PRTFDC1: variants seen among roughly 807,000 people sequenced by gnomAD.
PRTFDC1 encodes phosphoribosyltransferase domain-containing protein 1.
PRTFDC1 carries 38 observed loss-of-function variants against 34.6 expected under a neutral mutation model. The observed-to-expected ratio is 1.10, with a 90% CI of 0.85 to 1.44. The LOEUF is 1.44. Ranked by LOEUF, PRTFDC1 falls within the 40% of genes most tolerant of loss-of-function variation. The pLI is 0.00. For missense variants in PRTFDC1, 270 were observed against 283.0 expected, an observed-to-expected ratio of 0.95 and a Z score of 0.33; for synonymous variants, 93 against 98.1, an observed-to-expected ratio of 0.95 and a Z score of 0.31.
chr10:24,872,757 C>T (rs1184123256), intron 3 of PRTFDC1, among the ~76,000 whole-genome samples: 2 of 131,810 alleles, frequency 1.5e-5, no homozygotes, highest in Admixed American at 1.6e-4. Flanking sequence ...TATGTGCACA[C>T]GTGTGTGTGT....
chr10:24,940,822 A>T (rs973339390), intron 2 of PRTFDC1, among the ~76,000 whole-genome samples: 12 of 152,256 alleles, frequency 7.9e-5, no homozygotes, highest in African/African-American at 2.9e-4. Flanking sequence ...TAGCTATTGT[A>T]CGATTTTCTT....
At chr10:24,904,077 T>C (rs995722280) in intron 3 of PRTFDC1, among the ~76,000 whole-genome samples, 2 of 152,154 alleles carry the variant, frequency 1.3e-5, no homozygotes, top group Admixed American at 6.5e-5. Context: ...CTATTCTTTC[T>C]AAACTGTAAA....
intron 3 of PRTFDC1, among the ~76,000 whole-genome samples, chr10:24,880,990 C>T: frequency 6.8e-6 from 1 of 146,012 alleles, no homozygotes; most frequent in African/African-American, 2.6e-5. Context: ...CCCTTCCTCC[C>T]TCCCTCCTTC....
At chr10:24,858,181 T>C (rs563524211) in intron 5 of PRTFDC1, among the ~76,000 whole-genome samples, 13 of 152,172 alleles carry the variant, frequency 8.5e-5, no homozygotes, top group Non-Finnish European at 1.6e-4. Context: ...ACAAAAAGGA[T>C]AAAGTCGCCC....
intron 3 of PRTFDC1, among the ~76,000 whole-genome samples, chr10:24,875,100 T>A (rs1421177319): frequency 6.6e-6 from 1 of 152,176 alleles, no homozygotes; most frequent in Admixed American, 6.5e-5. Context: ...CTCTATAAAT[T>A]ACCCAGTCTC....
At chr10:24,888,715 T>C (rs371852175) in intron 3 of PRTFDC1, among the ~76,000 whole-genome samples, 4 of 152,344 alleles carry the variant, frequency 2.6e-5, no homozygotes, top group South Asian at 2.1e-4. Context: ...CAAAGTCAGA[T>C]AGGGCTTAGA....
At chr10:24,878,463 T>A (rs1848008125) in intron 3 of PRTFDC1, among the ~76,000 whole-genome samples, 1 of 152,110 alleles carries the variant, frequency 6.6e-6, no homozygotes, top group African/African-American at 2.4e-5. Context: ...TCTGGCTGCA[T>A]CAGTGAAGTC....
At chr10:24,934,183 T>C (rs995522861) in intron 3 of PRTFDC1, among the ~76,000 whole-genome samples, 6 of 151,124 alleles carry the variant, frequency 4.0e-5, no homozygotes, top group Admixed American at 6.6e-5. Flanking sequence ...CAAACTGCAC[T>C]CTATCTATAT....
At chr10:24,917,847 G>C (rs1041010262) in intron 3 of PRTFDC1, among the ~76,000 whole-genome samples, 3 of 152,178 alleles carry the variant, frequency 2.0e-5, no homozygotes, top group African/African-American at 7.2e-5. Context: ...CCTCATTGGT[G>C]GGGGCTACGA....
chr10:24,852,529 C>G (rs1271200602), intron 7 of PRTFDC1, among the ~76,000 whole-genome samples: 1 of 152,168 alleles, frequency 6.6e-6, no homozygotes, highest in Non-Finnish European at 1.5e-5. Flanking sequence ...TCCACAGGCT[C>G]AGGAGATCCT....
intron 3 of PRTFDC1, among the ~76,000 whole-genome samples, chr10:24,909,645 A>G (rs992667448): frequency 6.6e-6 from 1 of 152,322 alleles, no homozygotes; most frequent in East Asian, 1.9e-4. Context: ...TTAAAGACAA[A>G]TATGCTATAC....
chr10:24,859,057 T>C (rs138086755), intron 4 of PRTFDC1, among the ~76,000 whole-genome samples: 1,923 of 152,270 alleles, frequency 0.013, 15 homozygotes, highest in Middle Eastern at 0.034. Context: ...ACAAATCTCA[T>C]GTTGAAGTGT....
chr10:24,928,106 T>C (rs1466406744), intron 3 of PRTFDC1, among the ~76,000 whole-genome samples: 1 of 152,204 alleles, frequency 6.6e-6, no homozygotes, highest in Non-Finnish European at 1.5e-5. Flanking sequence ...TTTTCTTTCA[T>C]AGTGGTACAT....
chr10:24,949,422 G>C (rs925143826), intron 1 of PRTFDC1, among the ~76,000 whole-genome samples: 2 of 151,938 alleles, frequency 1.3e-5, no homozygotes, highest in Non-Finnish European at 2.9e-5. Flanking sequence ...TTGATTTTTT[G>C]TATCCCATCC....
intron 1 of PRTFDC1, among the ~76,000 whole-genome samples, chr10:24,950,106 TC>T (rs1849317043): frequency 1.3e-5 from 2 of 152,280 alleles, no homozygotes; most frequent in Non-Finnish European, 2.9e-5. Context: ...CAAGAGGACC[TC>T]TGTTGACACC....
intron 3 of PRTFDC1, among the ~76,000 whole-genome samples, chr10:24,910,716 T>C (rs1848613533): frequency 6.6e-6 from 1 of 152,204 alleles, no homozygotes; most frequent in Non-Finnish European, 1.5e-5. Context: ...CTGGATTTCA[T>C]TAAATAAAAG....
At chr10:24,900,794 A>C (rs1288278878) in intron 3 of PRTFDC1, among the ~76,000 whole-genome samples, 5 of 152,210 alleles carry the variant, frequency 3.3e-5, no homozygotes, top group Non-Finnish European at 7.3e-5. Flanking sequence ...AAAATAAATA[A>C]CCTGGGTAAG....
chr10:24,939,301 CAAAAA>C (rs34582221), intron 2 of PRTFDC1, among the ~76,000 whole-genome samples: 1 of 89,808 alleles, frequency 1.1e-5, no homozygotes. Flanking sequence ...AACTCTGACT[CAAAAA>C]AAAAAAAAAA....
chr10:24,901,119 T>C (rs1292874801), intron 3 of PRTFDC1, among the ~76,000 whole-genome samples: 1 of 152,244 alleles, frequency 6.6e-6, no homozygotes, highest in Non-Finnish European at 1.5e-5. Context: ...CAGAAAATTG[T>C]GTCTTGGTTC....
Sources: allele counts gnomAD v4.1 joint callset (sites outside exome capture counted in the v4.1 genomes callset), GRCh38; gene constraint gnomAD v4.1.1; transcripts MANE v1.5; gene names NCBI Gene and HGNC (gene_info 2026-07-23, HGNC 2026-07-21).